CERS3: variants seen among roughly 807,000 people sequenced by gnomAD.
The protein encoded by CERS3 is LAG1 homolog, ceramide synthase 3.
In CERS3, 33 loss-of-function variants were observed where a neutral mutation model predicts 50.3. That is an observed-to-expected ratio of 0.66 (90% CI 0.50 to 0.88). The LOEUF is 0.88. Ranked by LOEUF, CERS3 falls within the 40% of genes least tolerant of loss-of-function variation. The pLI, the probability that CERS3 is intolerant of heterozygous loss-of-function variation, is 0.00. For missense variants in CERS3, 470 were observed against 460.3 expected (o/e 1.02, Z -0.19); for synonymous variants, 176 against 155.2 (o/e 1.13, Z -0.99).
In CERS3 at chr15:100,459,001, G is replaced by T. The variant is rs527574875; in HGVS notation, c.846-2955C>A. Among the ~76,000 whole-genome samples the T allele has an allele frequency of 2.0e-5, 3 of 152,330 alleles. No individual in the cohort carries two copies. In the South Asian group the frequency reaches 6.2e-4, roughly 32 times the overall value. On this transcript the variant is annotated intron_variant, in intron 10 of 11. Transcript: ENST00000679737. ...GCAACTACTCAATTCAGCCATTACA[G>T]TACAAAAGCAGCCATGACAGCTAAC...
intron 2 of CERS3, among the ~76,000 whole-genome samples, chr15:100,510,144 T>A (rs1234435572): frequency 6.6e-6 from 1 of 152,110 alleles, no homozygotes; most frequent in East Asian, 1.9e-4. Flanking sequence ...TCTAAATGCA[T>A]TTAAAATTGT....
intron 1 of CERS3, among the ~76,000 whole-genome samples, chr15:100,537,003 G>A (rs901762256): frequency 6.6e-6 from 1 of 152,208 alleles, no homozygotes; most frequent in African/African-American, 2.4e-5. Flanking sequence ...TGAAGGCAAT[G>A]TCCCTGATCT....
chr15:100,427,816 C>A (rs1460885743), intron 11 of CERS3, among the ~76,000 whole-genome samples: 1 of 152,208 alleles, frequency 6.6e-6, no homozygotes, highest in Non-Finnish European at 1.5e-5. Context: ...GTAGCTCAAA[C>A]TCAGATTCTG....
chr15:100,490,460 T>A (rs963324028), intron 4 of CERS3, among the ~76,000 whole-genome samples: 1 of 152,208 alleles, frequency 6.6e-6, no homozygotes, highest in East Asian at 1.9e-4. Flanking sequence ...TTGTCAGATA[T>A]GGGCTTCTCT....
chr15:100,510,097 GCA>G (rs1169181693), intron 2 of CERS3, among the ~76,000 whole-genome samples: 1 of 151,792 alleles, frequency 6.6e-6, no homozygotes, highest in African/African-American at 2.4e-5. Flanking sequence ...CACCTCCTGT[GCA>G]CAGTGTTAAG....
chr15:100,408,341 C>A (rs907618685), intron 11 of CERS3, among the ~76,000 whole-genome samples: 4 of 152,244 alleles, frequency 2.6e-5, no homozygotes, highest in Admixed American at 2.6e-4. Flanking sequence ...TTTGAGTTAC[C>A]AGTTTAATAC....
intron 3 of CERS3, among the ~76,000 whole-genome samples, chr15:100,501,198 AC>A (rs2142327964): frequency 6.6e-6 from 1 of 152,312 alleles, no homozygotes; most frequent in African/African-American, 2.4e-5. Context: ...CTTTAAATAA[AC>A]CTTTAAAATA....
chr15:100,464,581 A>C (rs1198587437), intron 10 of CERS3, among the ~76,000 whole-genome samples: 2 of 152,240 alleles, frequency 1.3e-5, no homozygotes, highest in Admixed American at 6.5e-5. Flanking sequence ...GAAAACTGTT[A>C]GTAGTCAGAG....
At position 100,423,587 on chromosome 15, in the gene CERS3, T is replaced by C. The variant is rs575432382; in HGVS notation, c.1000-20722A>G. Among the ~76,000 whole-genome samples the C allele has an allele frequency of 3.3e-5, 5 of 152,216 alleles. 1 individual carries two copies. Among genetic ancestry groups the C allele is most frequent in the African/African-American group, 9.6e-5 (4 of 41,532 alleles). ...ACACAAAGAGGGGTACAACAGACAC[T>C]AGGTCCTACTTGAGGGCGGAGGGTA... On this transcript the variant is annotated intron_variant, in intron 11 of 11. Coordinates refer to ENST00000679737, the MANE Select transcript of CERS3 (RefSeq NM_001378789.1).
chr15:100,430,251 G>T (rs1369989457), intron 11 of CERS3, among the ~76,000 whole-genome samples: 1 of 151,768 alleles, frequency 6.6e-6, no homozygotes, highest in Non-Finnish European at 1.5e-5. Flanking sequence ...GGCGGAGCTT[G>T]CAGTGAGCCG....
intron 3 of CERS3, 37 bp downstream of exon 3, chr15:100,501,640 A>C (rs1206292884): frequency 1.3e-6 from 2 of 1,528,836 alleles, no homozygotes; most frequent in Admixed American, 3.4e-5. Context: ...TAGAGCAAAG[A>C]GGGGGAATGG....
At chr15:100,484,494 C>T in intron 5 of CERS3, 56 bp downstream of exon 5, 4 of 1,190,138 alleles carry the variant, frequency 3.4e-6, no homozygotes, top group African/African-American at 1.5e-5. Flanking sequence ...TCTGCAAGGA[C>T]CACTCAGCTC....
At chr15:100,472,833 C>T (rs1231259553) in intron 9 of CERS3, 91 bp downstream of exon 9, 3 of 1,481,442 alleles carry the variant, frequency 2.0e-6, no homozygotes, top group African/African-American at 1.4e-5. Context: ...GGACACAGAG[C>T]TCTGCTAAAT....
intron 11 of CERS3, among the ~76,000 whole-genome samples, chr15:100,453,938 G>C (rs2034265325): frequency 6.6e-6 from 1 of 152,128 alleles, no homozygotes; most frequent in Non-Finnish European, 1.5e-5. Flanking sequence ...GGAGGTAAAA[G>C]ACCTCTACAA....
intron 5 of CERS3, among the ~76,000 whole-genome samples, chr15:100,480,880 G>A (rs991838843): frequency 6.6e-6 from 1 of 152,138 alleles, no homozygotes; most frequent in African/African-American, 2.4e-5. Context: ...GGATAGAGAG[G>A]ACATAGGATT....
chr15:100,419,193 C>T (rs949704695), intron 11 of CERS3, among the ~76,000 whole-genome samples: 8 of 134,018 alleles, frequency 6.0e-5, no homozygotes, highest in African/African-American at 1.9e-4. Context: ...ACCCATCTCA[C>T]GTGCAGAGAC....
intron 11 of CERS3, among the ~76,000 whole-genome samples, chr15:100,443,451 T>C (rs1377411208): frequency 2.7e-5 from 4 of 149,152 alleles, no homozygotes; most frequent in African/African-American, 9.9e-5. Context: ...AACCACATTG[T>C]TTTGCCTATC....
At chr15:100,410,611 T>A (rs535644006) in intron 11 of CERS3, among the ~76,000 whole-genome samples, 2 of 152,182 alleles carry the variant, frequency 1.3e-5, no homozygotes, top group African/African-American at 4.8e-5. Flanking sequence ...CCTAAAGCGA[T>A]AGACGCACTT....
chr15:100,525,948 A>G (rs1761544370), intron 1 of CERS3, among the ~76,000 whole-genome samples: 4 of 152,172 alleles, frequency 2.6e-5, no homozygotes, highest in Admixed American at 2.6e-4. Context: ...ATAAAACCAT[A>G]AACTCGGGCT....
Sources: gnomAD v4.1 joint callset for allele counts (sites outside exome capture counted in the v4.1 genomes callset) on GRCh38, gnomAD v4.1.1 for gene constraint, MANE v1.5 for transcripts, NCBI Gene and HGNC (gene_info 2026-07-23, HGNC 2026-07-21) for gene names.